Variants in SMG7 observed in about 807,000 individuals in gnomAD.
The protein encoded by SMG7 is SMG7 nonsense mediated mRNA decay factor, also known as nonsense-mediated mRNA decay factor SMG7.
Under a neutral mutation model 148.2 loss-of-function variants are expected in SMG7, and 34 were observed. The observed-to-expected ratio is 0.23, with a 90% CI of 0.17 to 0.31. SMG7 has a LOEUF of 0.31. Among genes scored for constraint, SMG7 ranks in the 10% least tolerant of loss-of-function variants. The probability of loss-of-function intolerance (pLI) is 1.00; values close to 1 mark genes in which losing one functional copy is unlikely to be tolerated. For missense variants in SMG7, 1,114 were observed against 1,408.4 expected (o/e 0.79, Z 3.35); for synonymous variants, 492 against 515.1 (o/e 0.96, Z 0.61).
chr1:183,520,442 A>G (rs760287881), intron 4 of SMG7, among the ~76,000 whole-genome samples: 11 of 152,184 alleles, frequency 7.2e-5, no homozygotes, highest in South Asian at 4.1e-4. Context: ...GACAGATTCT[A>G]TAACATTCTG....
chr1:183,541,041 A>G lies in SMG7; in HGVS notation c.1353A>G (p.Gln451=). 3 of 1,613,622 alleles carry G rather than the reference A, an allele frequency of 1.9e-6. No homozygotes were observed. The highest frequency in any genetic ancestry group is 1.7e-4 in the Middle Eastern group (1 of 6,058). ...QGITGDKEGQ[Q]RRIRQQRLIS... ...TTACAGGGGACAAAGAAGGCCAGCA[A>G]CGACGAATACGACAGCAACGCTTGA... The change falls in exon 13 of 23, where the codon CAA becomes CAG. Residue 451 remains glutamine, a synonymous_variant. Transcript: ENST00000688051.
rs1416593561 is a variant in SMG7 at position 183,512,828 on chromosome 1, T to C, written c.30-9T>C. On this transcript the variant is annotated splice_polypyrimidine_tract_variant and intron_variant, in intron 1 of 22. Coordinates refer to ENST00000688051, the MANE Select transcript of SMG7 (RefSeq NM_001375584.1). ...ATACTCTTTTTTTTTTTTTTTTTTT[T>C]CTATCTAGGCAGGCAGAAGTCCTGA... The C allele has an allele frequency of 1.9e-5, 30 of 1,571,314 alleles. No individual in the cohort carries two copies. Among genetic ancestry groups the C allele is most frequent in the East Asian group, 4.6e-5 (2 of 43,932 alleles).
intron 3 of SMG7, among the ~76,000 whole-genome samples, chr1:183,516,858 A>C (rs375150190): frequency 6.6e-6 from 1 of 152,304 alleles, no homozygotes; most frequent in East Asian, 1.9e-4. Flanking sequence ...TAAAAAGCCT[A>C]GTGCTCTAGA....
rs573176986 is a variant in SMG7, at chr1:183,550,900, C to A, written c.3283C>A (p.Arg1095=). 6.2e-7 allele frequency: 1 copy of A among 1,613,202 alleles called. No homozygotes were observed. ...PDNRDRRTAD[R]WKTDKPAMGG... ...TAACAGGGATAGAAGGACTGCAGATCGGTGGAAAACTGATAAGCCAGGTGA... is the reference window on the plus strand; with the variant it reads ...TAACAGGGATAGAAGGACTGCAGATAGGTGGAAAACTGATAAGCCAGGTGA... The change falls in exon 21 of 23, where the codon CGG becomes AGG. Residue 1095 remains arginine (R), a synonymous_variant. Coordinates refer to ENST00000688051, the MANE Select transcript of SMG7 (RefSeq NM_001375584.1).
intron 1 of SMG7, among the ~76,000 whole-genome samples, chr1:183,484,867 A>G (rs1295703960): frequency 6.6e-6 from 1 of 152,152 alleles, no homozygotes; most frequent in East Asian, 1.9e-4. Flanking sequence ...CATCTGCCAT[A>G]TAGCTTCTGG....
At chr1:183,529,952 G>A (rs951259643) in intron 8 of SMG7, among the ~76,000 whole-genome samples, 1 of 152,078 alleles carries the variant, frequency 6.6e-6, no homozygotes, top group African/African-American at 2.4e-5. Context: ...TGAATGAAAG[G>A]AATGAGAGTT....
chr1:183,550,052 T>C (rs1380828287), intron 20 of SMG7, 129 bp downstream of exon 20: 6 of 704,748 alleles, frequency 8.5e-6, no homozygotes, highest in African/African-American at 1.8e-5. Flanking sequence ...TTGTTTGTTT[T>C]TGTAACTTCT....
chr1:183,486,030 A>G (rs1655335585), intron 1 of SMG7, among the ~76,000 whole-genome samples: 1 of 152,156 alleles, frequency 6.6e-6, no homozygotes, highest in East Asian at 1.9e-4. Context: ...ATGACTTTAC[A>G]TTGCTCTTGA....
At chr1:183,480,326 A>G (rs114042346) in intron 1 of SMG7, among the ~76,000 whole-genome samples, 159 of 152,180 alleles carry the variant, frequency 1.0e-3, no homozygotes, top group African/African-American at 3.3e-3. Context: ...TTTATGGCCA[A>G]GCGTTTCAAG....
At chr1:183,539,908 T>A (rs190303155) in intron 12 of SMG7, among the ~76,000 whole-genome samples, 3 of 152,328 alleles carry the variant, frequency 2.0e-5, no homozygotes, top group Admixed American at 2.0e-4. Context: ...ACACTGCCTA[T>A]AGTTTTTAAG....
At chr1:183,498,983 G>A (rs1311259083) in intron 1 of SMG7, among the ~76,000 whole-genome samples, 3 of 152,056 alleles carry the variant, frequency 2.0e-5, no homozygotes, top group Non-Finnish European at 4.4e-5. Flanking sequence ...TGCCTTTTCC[G>A]GAATGTCATA....
chr1:183,528,219 ATTAT>A (rs1666236891), intron 6 of SMG7, among the ~76,000 whole-genome samples, 192 bp downstream of exon 6: 1 of 152,020 alleles, frequency 6.6e-6, no homozygotes, highest in Admixed American at 6.6e-5. Context: ...GATGACTTTT[ATTAT>A]TTATTTTATT....
chr1:183,472,842 C>T (rs3905118), intron 1 of SMG7, 193 bp downstream of exon 1: 122,893 of 431,788 alleles, frequency 0.28, 19,407 homozygotes, highest in Non-Finnish European at 0.33. Context: ...CCCTACCGCC[C>T]GGGCTGAGCT....
At chr1:183,549,063 A>C in intron 18 of SMG7, 145 bp from the exon 19 acceptor site, 1 of 632,386 alleles carries the variant, frequency 1.6e-6, no homozygotes, top group Non-Finnish European at 2.8e-6. Context: ...GTGTTAACAG[A>C]TTTGAATTCA....
intron 4 of SMG7, among the ~76,000 whole-genome samples, chr1:183,520,116 GA>G (rs1446305633): frequency 4.0e-5 from 6 of 151,542 alleles, no homozygotes; most frequent in Non-Finnish European, 8.8e-5. Flanking sequence ...GAAACAAATA[GA>G]TATTATAATT....
chr1:183,508,112 A>G, intron 1 of SMG7: 4 of 958,778 alleles, frequency 4.2e-6, no homozygotes, highest in Non-Finnish European at 3.7e-6. Context: ...GCCTCTCTGT[A>G]TGAGCATTGG....
chr1:183,552,429 G>A lies in SMG7; in HGVS notation c.*498G>A, dbSNP rs2102843105. On this transcript the variant is annotated 3_prime_UTR_variant, in exon 23 of 23. Transcript: ENST00000688051. ...ACTCTCAGTAGTAAAATATCACACT[G>A]AATTCTTCCATACACAGGTGTGCTT... is the stretch of plus-strand genomic sequence containing the variant. 2 of 990,920 alleles carry A rather than the reference G, an allele frequency of 2.0e-6. No individual in the cohort carries two copies. The highest frequency in any genetic ancestry group is 4.6e-5 in the South Asian group (1 of 21,692). 61.4% of individuals were successfully genotyped at this position (990,920 alleles called of 1,614,324 possible).
At chr1:183,516,797 G>C (rs1282598932) in intron 3 of SMG7, among the ~76,000 whole-genome samples, 1 of 152,176 alleles carries the variant, frequency 6.6e-6, no homozygotes, top group African/African-American at 2.4e-5. Context: ...TAGAGTCAAG[G>C]ATAAGATGTC....
chr1:183,512,984 A>C, intron 2 of SMG7, 116 bp downstream of exon 2: 1 of 871,442 alleles, frequency 1.1e-6, no homozygotes, highest in Non-Finnish European at 1.7e-6. Flanking sequence ...GCCAAAAGGG[A>C]TGATCATTTA....
Sources: gnomAD v4.1 joint callset for allele counts (sites outside exome capture counted in the v4.1 genomes callset) on GRCh38, gnomAD v4.1.1 for gene constraint, MANE v1.5 for transcripts, NCBI Gene and HGNC (gene_info 2026-07-23, HGNC 2026-07-21) for gene names.